FAM83A: variants seen among roughly 807,000 people sequenced by gnomAD.
The protein encoded by FAM83A is protein FAM83A.
A neutral mutation model predicts 24.4 loss-of-function variants in FAM83A; 21 were observed. The observed-to-expected ratio is 0.86, with a 90% confidence interval of 0.61 to 1.24. The LOEUF is 1.24. Ranked by LOEUF, FAM83A falls within the 50% of genes most tolerant of loss-of-function variation. The probability of loss-of-function intolerance (pLI) is 0.00; values close to 1 mark genes in which losing one functional copy is unlikely to be tolerated. For missense variants in FAM83A, 617 were observed against 579.8 expected (o/e 1.06, Z -0.66); for synonymous variants, 270 against 252.4 (o/e 1.07, Z -0.66).
At chr8:123,191,918 A>G (rs1270089280) in exon 2 of FAM83A, 1 of 1,614,000 alleles carries the variant, frequency 6.2e-7, no homozygotes, top group Non-Finnish European at 8.5e-7. Flanking sequence ...GGAGGTGTGA[A>G]GCTCTTCCAG....
chr8:123,198,074 T>C (rs2131088931), intron 3 of FAM83A, among the ~76,000 whole-genome samples: 1 of 152,250 alleles, frequency 6.6e-6, no homozygotes, highest in Non-Finnish European at 1.5e-5. Context: ...TAGGCTGCAG[T>C]GAGCAGAGAT....
At chr8:123,207,671 G>C (rs1824610128) in exon 4 of FAM83A, 1 of 1,513,238 alleles carries the variant, frequency 6.6e-7, no homozygotes, top group South Asian at 1.3e-5. Flanking sequence ...CTTCCTGCAG[G>C]CCTCCCCTCA....
chr8:123,208,441 T>C (rs948617224), exon 4 of FAM83A: 45 of 985,362 alleles, frequency 4.6e-5, no homozygotes, highest in Admixed American at 2.5e-4. Context: ...AGACTGGACC[T>C]AGGAGCTTGA....
chr8:123,190,863 A>C (rs1823951045), intron 1 of FAM83A, among the ~76,000 whole-genome samples: 1 of 152,180 alleles, frequency 6.6e-6, no homozygotes. Flanking sequence ...AATGGTTGCC[A>C]GCAGCCATTG....
chr8:123,209,631 A>C lies in FAM83A; in HGVS notation c.*1943A>C. The C allele has an allele frequency of 6.8e-7, 1 of 1,470,760 alleles. No homozygotes were observed. Among genetic ancestry groups the C allele is most frequent in the Non-Finnish European group, 9.4e-7 (1 of 1,068,526 alleles). 91.1% of individuals were successfully genotyped at this position (1,470,760 alleles called of 1,614,324 possible). A position where few individuals can be genotyped will look rare whatever the true frequency, so the allele number is the denominator to read the frequency against. On this transcript the variant is annotated 3_prime_UTR_variant, in exon 4 of 4. Transcript: ENST00000690554. The surrounding 1 kb of genome is among the most constrained non-coding windows in gnomAD (Gnocchi z 4.7). Reference sequence around the variant, plus strand: ...AGGAAGGCAAAGCTTGCCAGGTCACAGAAGCTCCCAAGCCCAGCTTTCCAA... The same window carrying C: ...AGGAAGGCAAAGCTTGCCAGGTCACCGAAGCTCCCAAGCCCAGCTTTCCAA...
At chr8:123,208,924 A>G in exon 4 of FAM83A, 1 of 981,396 alleles carries the variant, frequency 1.0e-6, no homozygotes, top group Non-Finnish European at 1.2e-6. Flanking sequence ...AGATTGCATC[A>G]CTGCACTCCA....
chr8:123,181,773 C>T, upstream of FAM83A: 1 of 309,806 alleles, frequency 3.2e-6, no homozygotes, highest in Admixed American at 3.9e-5. Flanking sequence ...TCAACTTCAC[C>T]TGGCCTGGCT....
chr8:123,207,685 C>A, exon 4 of FAM83A: 2 of 1,492,204 alleles, frequency 1.3e-6, no homozygotes, highest in South Asian at 2.7e-5. Context: ...CCCCTCACTT[C>A]TGAAGGTCCC....
chr8:123,200,359 C>G (rs1404923003), intron 3 of FAM83A, among the ~76,000 whole-genome samples: 2 of 152,188 alleles, frequency 1.3e-5, no homozygotes, highest in Non-Finnish European at 2.9e-5. Context: ...GGGAAGGTCT[C>G]TTCCCTTATT....
intron 1 of FAM83A, 52 bp downstream of exon 1, chr8:123,183,388 G>A (rs1268043807): frequency 6.4e-7 from 1 of 1,567,744 alleles, no homozygotes; most frequent in East Asian, 2.3e-5. Flanking sequence ...GGAGGATCGG[G>A]GGCTGATAGA....
intron 1 of FAM83A, among the ~76,000 whole-genome samples, chr8:123,186,547 A>G (rs1219718059): frequency 6.6e-6 from 1 of 152,076 alleles, no homozygotes; most frequent in Non-Finnish European, 1.5e-5. Context: ...CCTTTATTCC[A>G]GGCTGGGCAC....
intron 3 of FAM83A, among the ~76,000 whole-genome samples, chr8:123,197,679 C>T (rs772735338): frequency 6.6e-6 from 1 of 152,210 alleles, no homozygotes; most frequent in Non-Finnish European, 1.5e-5. Context: ...CCCTGGGGAA[C>T]TCAGGTTTTG....
At chr8:123,183,880 G>A (rs1269208391) in intron 1 of FAM83A, among the ~76,000 whole-genome samples, 1 of 151,770 alleles carries the variant, frequency 6.6e-6, no homozygotes, top group African/African-American at 2.4e-5. Context: ...ATTTTTAGTA[G>A]AGAAGAGGTT....
intron 1 of FAM83A, among the ~76,000 whole-genome samples, chr8:123,188,064 G>A (rs1823862200): frequency 6.6e-6 from 1 of 151,396 alleles, no homozygotes; most frequent in African/African-American, 2.4e-5. Flanking sequence ...TAGTAGAGAT[G>A]GGGTTTCACC....
At chr8:123,191,757 C>A in intron 1 of FAM83A, 46 bp from the exon 2 acceptor site, 1 of 1,601,652 alleles carries the variant, frequency 6.2e-7, no homozygotes, top group Non-Finnish European at 8.5e-7. Context: ...CCAGTTAGCA[C>A]CTGCCCCTGA....
intron 1 of FAM83A, among the ~76,000 whole-genome samples, chr8:123,189,585 ACT>A (rs1300683214): frequency 6.6e-6 from 1 of 152,220 alleles, no homozygotes; most frequent in Non-Finnish European, 1.5e-5. Context: ...CGCTCTGCTC[ACT>A]GAGATAGATG....
chr8:123,207,985 G>A lies in FAM83A; in HGVS notation c.*297G>A, dbSNP rs140608350. ...AGTCCCTGTCTTCCAGAGATCATCC[G>A]GGGCTTTAATATTAATGGCCCCCAA... On this transcript the variant is annotated 3_prime_UTR_variant, in exon 4 of 4. Coordinates refer to ENST00000690554, the Ensembl canonical transcript of FAM83A. The A allele has an allele frequency of 1.2e-4, 138 of 1,192,432 alleles. No homozygotes were observed. The African/African-American group carries it at 1.8e-3, about 15-fold the overall frequency. The allele number at this position is 1,192,432 out of a possible 1,614,324, so 73.9% of individuals were successfully genotyped here.
At chr8:123,199,211 A>G (rs1824265245) in intron 3 of FAM83A, among the ~76,000 whole-genome samples, 1 of 152,224 alleles carries the variant, frequency 6.6e-6, no homozygotes, top group Non-Finnish European at 1.5e-5. Context: ...GCACTAAAAA[A>G]AGGTCACTTG....
chr8:123,192,300 A>G (rs1477858957), intron 2 of FAM83A, among the ~76,000 whole-genome samples: 2 of 152,154 alleles, frequency 1.3e-5, no homozygotes, highest in East Asian at 3.9e-4. Context: ...ATGCTGGGAA[A>G]TGTAAAGGGT....
Sources: gnomAD v4.1 joint callset for allele counts (sites outside exome capture counted in the v4.1 genomes callset) on GRCh38, gnomAD v4.1.1 for gene constraint, Gnocchi (gnomAD v3.1) non-coding constraint, MANE v1.5 for transcripts, NCBI Gene and HGNC (gene_info 2026-07-23, HGNC 2026-07-21) for gene names.